SGCZ: variants seen among roughly 807,000 people sequenced by gnomAD.
SGCZ encodes zeta-sarcoglycan.
In SGCZ, 40 loss-of-function variants were observed where a neutral mutation model predicts 41.3. The ratio of observed to expected loss-of-function variants is 0.97; its 90% CI spans 0.75 to 1.26. The LOEUF (loss-of-function observed/expected upper bound fraction) is 1.26, where lower values mean the gene tolerates loss of function less well. Among genes scored for constraint, SGCZ ranks in the 50% most tolerant of loss-of-function variants. The pLI is 0.00. For missense variants in SGCZ, 552 were observed against 369.8 expected (o/e 1.49, Z -4.04); for synonymous variants, 206 against 137.5 (o/e 1.50, Z -3.49).
At chr8:15,094,064 T>C (rs1380439620) in intron 1 of SGCZ, among the ~76,000 whole-genome samples, 1 of 152,086 alleles carries the variant, frequency 6.6e-6, no homozygotes, top group Non-Finnish European at 1.5e-5. Flanking sequence ...TAAATAGACT[T>C]CCCTGCTGAA....
At chr8:15,060,265 A>G (rs1203129852) in intron 1 of SGCZ, among the ~76,000 whole-genome samples, 1 of 152,120 alleles carries the variant, frequency 6.6e-6, no homozygotes, top group East Asian at 1.9e-4. Flanking sequence ...ACTTGGAACC[A>G]ACCCACATGT....
chr8:14,214,223 C>G (rs759744525), intron 4 of SGCZ, among the ~76,000 whole-genome samples: 2 of 152,040 alleles, frequency 1.3e-5, no homozygotes, highest in African/African-American at 4.8e-5. Context: ...AAATCCCAAT[C>G]GAAGGGCAGT....
At chr8:14,192,336 A>G (rs566561139) in intron 4 of SGCZ, among the ~76,000 whole-genome samples, 32 of 152,022 alleles carry the variant, frequency 2.1e-4, no homozygotes, top group Non-Finnish European at 3.8e-4. Flanking sequence ...CTACCATCAA[A>G]TATTCTTATC....
chr8:14,468,066 T>C (rs544123737), intron 2 of SGCZ, among the ~76,000 whole-genome samples: 1 of 152,194 alleles, frequency 6.6e-6, no homozygotes, highest in Non-Finnish European at 1.5e-5. Flanking sequence ...CATACTTAAT[T>C]CACAACACAT....
chr8:14,973,867 A>T (rs1303222047), intron 1 of SGCZ, among the ~76,000 whole-genome samples: 4 of 152,204 alleles, frequency 2.6e-5, no homozygotes, highest in Non-Finnish European at 4.4e-5. Flanking sequence ...CCCAGTGCAT[A>T]TATGATTTTA....
intron 2 of SGCZ, among the ~76,000 whole-genome samples, chr8:14,487,471 T>C (rs1284217391): frequency 6.6e-6 from 1 of 152,264 alleles, no homozygotes; most frequent in Non-Finnish European, 1.5e-5. Flanking sequence ...GTTTCTCACC[T>C]AGATGTGCTG....
intron 1 of SGCZ, among the ~76,000 whole-genome samples, chr8:15,124,090 G>T (rs1371504071): frequency 2.6e-5 from 4 of 152,140 alleles, no homozygotes. Context: ...CATTAAATTT[G>T]TATTTTAGAA....
chr8:14,925,359 T>C (rs1179914677), intron 1 of SGCZ, among the ~76,000 whole-genome samples: 3 of 152,202 alleles, frequency 2.0e-5, no homozygotes, highest in African/African-American at 7.2e-5. Context: ...TTTTATTGCA[T>C]TGTACTCACA....
Position 14,285,839 on chromosome 8 carries a change from T to G in SGCZ, c.336+38264A>C, listed in dbSNP as rs567982359. Among the ~76,000 whole-genome samples, 3 of 152,220 alleles carry G rather than the reference T, an allele frequency of 2.0e-5. 1 individual carries two copies. In the South Asian group the frequency reaches 6.2e-4, roughly 32 times the overall value. On this transcript the variant is annotated intron_variant, in intron 3 of 7. Coordinates refer to ENST00000382080, the MANE Select transcript of SGCZ (RefSeq NM_139167.4). ...TGGAGAGAGGCTTATACTGCAACCT[T>G]CAGGGGTTTGTATTACTTACATATG...
chr8:14,386,037 T>A (rs1585436048), intron 2 of SGCZ, among the ~76,000 whole-genome samples: 1 of 152,292 alleles, frequency 6.6e-6, no homozygotes, highest in Non-Finnish European at 1.5e-5. Flanking sequence ...TATTCTTTAT[T>A]GTTTATTGTG....
At chr8:14,220,645 G>C (rs13278543) in intron 4 of SGCZ, among the ~76,000 whole-genome samples, 1 of 152,038 alleles carries the variant, frequency 6.6e-6, no homozygotes, top group South Asian at 2.1e-4. Flanking sequence ...AAATCAGTTG[G>C]GCGTAGTGGT....
intron 2 of SGCZ, among the ~76,000 whole-genome samples, chr8:14,429,212 T>G (rs1799874141): frequency 6.6e-6 from 1 of 152,162 alleles, no homozygotes; most frequent in Admixed American, 6.6e-5. Context: ...GCAATAGGTT[T>G]ATGGAAGATA....
At chr8:15,059,480 A>T (rs1804837755) in intron 1 of SGCZ, among the ~76,000 whole-genome samples, 1 of 152,238 alleles carries the variant, frequency 6.6e-6, no homozygotes, top group Non-Finnish European at 1.5e-5. Context: ...TAGATCCTCC[A>T]TAAAAGGGAA....
intron 1 of SGCZ, among the ~76,000 whole-genome samples, chr8:14,830,553 A>G (rs1474159238): frequency 1.3e-5 from 2 of 152,178 alleles, no homozygotes; most frequent in Non-Finnish European, 2.9e-5. Context: ...GTTTTTAATA[A>G]TCACAGATAA....
At position 14,952,346 on chromosome 8, in the gene SGCZ, T is replaced by A. The variant is rs555855878; in HGVS notation, c.39+285239A>T. On this transcript the variant is annotated intron_variant, in intron 1 of 7. Coordinates refer to ENST00000382080, the MANE Select transcript of SGCZ (RefSeq NM_139167.4). Reference sequence around the variant, plus strand: ...TATGTGACTAAGGTTTTTCCTTTTTTTTCCTACTTTCATTTTAGGTTCAGC... The same window carrying A: ...TATGTGACTAAGGTTTTTCCTTTTTATTCCTACTTTCATTTTAGGTTCAGC... 7.3e-4 allele frequency among the ~76,000 whole-genome samples: 111 copies of A among 152,210 alleles called. 1 individual carries two copies. In the Middle Eastern group the frequency reaches 0.014, roughly 19 times the overall value.
intron 1 of SGCZ, among the ~76,000 whole-genome samples, chr8:15,003,490 C>T (rs79801452): frequency 0.02 from 3,029 of 152,080 alleles, 94 homozygotes; most frequent in African/African-American, 0.069. Context: ...AAAATTGATG[C>T]TATAATAAAT....
At chr8:14,843,383 A>C (rs113974050) in intron 1 of SGCZ, among the ~76,000 whole-genome samples, 1 of 152,130 alleles carries the variant, frequency 6.6e-6, no homozygotes, top group Non-Finnish European at 1.5e-5. Context: ...AGTGAAATCA[A>C]CACAGGCCAA....
intron 2 of SGCZ, among the ~76,000 whole-genome samples, chr8:14,411,320 G>A (rs557875077): frequency 1.6e-4 from 24 of 152,110 alleles, no homozygotes; most frequent in South Asian, 6.2e-4. Context: ...ATAAACATTC[G>A]TATAGAAACC....
At chr8:14,891,107 A>C (rs1804997398) in intron 1 of SGCZ, among the ~76,000 whole-genome samples, 1 of 152,220 alleles carries the variant, frequency 6.6e-6, no homozygotes, top group Non-Finnish European at 1.5e-5. Flanking sequence ...CCATGCCTGC[A>C]AGAAGAACCT....
Sources: gnomAD v4.1 joint callset for allele counts (sites outside exome capture counted in the v4.1 genomes callset) on GRCh38, gnomAD v4.1.1 for gene constraint, MANE v1.5 for transcripts, NCBI Gene and HGNC (gene_info 2026-07-23, HGNC 2026-07-21) for gene names.